Variants in ATG13 observed in about 807,000 individuals in gnomAD.
ATG13 encodes autophagy related 13.
ATG13 carries 23 observed loss-of-function variants against 65.5 expected under a neutral mutation model. That is an observed-to-expected ratio of 0.35 (90% CI 0.25 to 0.50). ATG13 has a LOEUF of 0.50. Ranked by LOEUF, ATG13 falls within the 20% of genes least tolerant of loss-of-function variation. The pLI is 0.98. For missense variants in ATG13, 566 were observed against 677.0 expected (o/e 0.84, Z 1.82); for synonymous variants, 252 against 245.2 (o/e 1.03, Z -0.26).
At chr11:46,644,699 A>G (rs980835874) in intron 3 of ATG13, among the ~76,000 whole-genome samples, 11 of 152,082 alleles carry the variant, frequency 7.2e-5, no homozygotes, top group Non-Finnish European at 1.5e-4. Context: ...AATGGGCAGC[A>G]TTTTGGACAT....
At chr11:46,656,181 G>A in intron 7 of ATG13, 52 bp from the exon 8 acceptor site, 2 of 1,537,998 alleles carry the variant, frequency 1.3e-6, no homozygotes, top group East Asian at 2.2e-5. Context: ...GGCTATAGAG[G>A]CCCTTAGGAG....
intron 2 of ATG13, among the ~76,000 whole-genome samples, chr11:46,637,018 C>T (rs780086414): frequency 6.6e-6 from 1 of 152,080 alleles, no homozygotes; most frequent in Non-Finnish European, 1.5e-5. Context: ...TGAGCCACTG[C>T]GCCCAGCCAT....
chr11:46,646,121 A>C (rs2057460469), intron 5 of ATG13, 132 bp downstream of exon 5: 2 of 1,257,064 alleles, frequency 1.6e-6, no homozygotes, highest in Non-Finnish European at 1.1e-6. Flanking sequence ...AGGGGGTCAT[A>C]GTTTTTTTTG....
rs755969994 is a variant in ATG13, at chr11:46,665,564, G to A, written c.1136+45G>A. 5 of 1,603,940 alleles carry A rather than the reference G, an allele frequency of 3.1e-6. No individual in the cohort carries two copies. In the Admixed American group the frequency reaches 8.5e-5, roughly 27 times the overall value. On this transcript the variant is annotated intron_variant, in intron 14 of 18. Transcript: ENST00000683050. ...CTGTCTCTGGTAAGGCTGGCCAGGG[G>A]CCTGGGCTCCCTGACACACGTGCTT...
chr11:46,672,759 T>C lies in ATG13; in HGVS notation c.*427T>C, dbSNP rs1456717824. 8.3e-7 allele frequency: 1 copy of C among 1,202,746 alleles called. No homozygotes were observed. The highest frequency in any genetic ancestry group is 1.0e-6 in the Non-Finnish European group (1 of 956,396). 74.5% of individuals were successfully genotyped at this position (1,202,746 alleles called of 1,614,324 possible). On this transcript the variant is annotated 3_prime_UTR_variant, in exon 19 of 19. Transcript: ENST00000683050. ...CCAGCTGGTGGCCAAGAGATTGGTG[T>C]GGAGTCGCAGAAAGAGGAAGGAGAC... is the stretch of plus-strand genomic sequence containing the variant.
intron 12 of ATG13, 108 bp from the exon 13 acceptor site, chr11:46,664,741 G>A (rs2061923377): frequency 6.2e-6 from 6 of 965,926 alleles, no homozygotes; most frequent in African/African-American, 1.6e-5. Context: ...GCATGTGGGC[G>A]GGAGCCATTC....
rs1194341574 is a variant in ATG13 at position 46,657,079 on chromosome 11, G to C, written c.500-16G>C. 3 of 1,594,586 alleles carry C rather than the reference G, an allele frequency of 1.9e-6. No homozygotes were observed. The highest frequency in any genetic ancestry group is 2.6e-6 in the Non-Finnish European group (3 of 1,162,386). On this transcript the variant is annotated splice_polypyrimidine_tract_variant and intron_variant, in intron 8 of 18. Coordinates refer to ENST00000683050, the MANE Select transcript of ATG13 (RefSeq NM_001346311.2). ...ATTCTCTGCAAAAGAAGCTAATAAT[G>C]TATCTCTTCTCCTAGGCTTCCAGAC...
At chr11:46,628,453 G>A (rs1033767866) in intron 1 of ATG13, among the ~76,000 whole-genome samples, 4 of 151,750 alleles carry the variant, frequency 2.6e-5, no homozygotes, top group Admixed American at 2.6e-4. Flanking sequence ...TTGAATATTT[G>A]TCAGCAAATA....
intron 2 of ATG13, among the ~76,000 whole-genome samples, chr11:46,632,029 A>G (rs558162768): frequency 2.8e-4 from 42 of 152,232 alleles, no homozygotes; most frequent in Non-Finnish European, 5.4e-4. Flanking sequence ...AAAGTCCAAT[A>G]AATAGTTTTT....
intron 1 of ATG13, chr11:46,618,206 A>G (rs1001069041): frequency 7.4e-6 from 2 of 271,896 alleles, no homozygotes; most frequent in Non-Finnish European, 1.4e-5. Flanking sequence ...TGAGTGAGGT[A>G]GGTTTTCATT....
intron 7 of ATG13, among the ~76,000 whole-genome samples, chr11:46,652,197 A>G (rs1184272065): frequency 6.6e-6 from 1 of 152,074 alleles, no homozygotes; most frequent in African/African-American, 2.4e-5. Context: ...GCAGGGAACC[A>G]AGATCACACC....
chr11:46,627,385 T>A (rs112999198), intron 1 of ATG13, among the ~76,000 whole-genome samples: 10,191 of 151,838 alleles, frequency 0.067, 1,122 homozygotes, highest in African/African-American at 0.23. Flanking sequence ...TCTCAAAAAA[T>A]AAATAAATAA....
intron 1 of ATG13, among the ~76,000 whole-genome samples, chr11:46,628,219 A>T (rs2050399481): frequency 6.6e-6 from 1 of 152,008 alleles, no homozygotes; most frequent in Non-Finnish European, 1.5e-5. Context: ...CTTGGCCAAC[A>T]CGGTGAAACC....
At chr11:46,637,529 C>T (rs901613811) in intron 2 of ATG13, among the ~76,000 whole-genome samples, 2 of 152,320 alleles carry the variant, frequency 1.3e-5, no homozygotes, top group South Asian at 2.1e-4. Flanking sequence ...TACACCACCA[C>T]TCCTGGCTAA....
chr11:46,637,605 C>T (rs1299914656), intron 2 of ATG13, among the ~76,000 whole-genome samples: 1 of 152,074 alleles, frequency 6.6e-6, no homozygotes, highest in African/African-American at 2.4e-5. Flanking sequence ...AAATTCCTGA[C>T]CTCAAGTGAT....
At chr11:46,651,946 T>C (rs1388680954) in intron 7 of ATG13, among the ~76,000 whole-genome samples, 1 of 152,162 alleles carries the variant, frequency 6.6e-6, no homozygotes, top group Non-Finnish European at 1.5e-5. Context: ...TTATTAGGTA[T>C]CTCTGGAGTA....
At chr11:46,620,264 T>G (rs1329273797) in intron 1 of ATG13, among the ~76,000 whole-genome samples, 1 of 150,590 alleles carries the variant, frequency 6.6e-6, no homozygotes, top group Non-Finnish European at 1.5e-5. Flanking sequence ...TGGCTAAGTT[T>G]TTGTATTTTT....
intron 1 of ATG13, among the ~76,000 whole-genome samples, chr11:46,622,125 A>ATATATATATT (rs2047898207): frequency 1.3e-5 from 1 of 79,044 alleles, no homozygotes; most frequent in Non-Finnish European, 2.4e-5. Context: ...ATATATATAT[A>ATATATATATT]TATTTATTTT....
At chr11:46,619,789 G>C (rs982253608) in intron 1 of ATG13, among the ~76,000 whole-genome samples, 3 of 151,826 alleles carry the variant, frequency 2.0e-5, no homozygotes, top group African/African-American at 7.2e-5. Context: ...CAGCACTTTG[G>C]GGGGCCGAGG....
Sources: allele counts gnomAD v4.1 joint callset (sites outside exome capture counted in the v4.1 genomes callset), GRCh38; gene constraint gnomAD v4.1.1; transcripts MANE v1.5; gene names NCBI Gene and HGNC (gene_info 2026-07-23, HGNC 2026-07-21).